Variants in WWOX observed in about 807,000 individuals in gnomAD.
WWOX encodes the protein WW domain-containing oxidoreductase.
Under a neutral mutation model 46.2 loss-of-function variants are expected in WWOX, and 69 were observed. That is an observed-to-expected ratio of 1.49 (90% CI 1.23 to 1.82). The LOEUF is 1.82. WWOX is among the 40% of genes most tolerant of loss of function. WWOX has a pLI of 0.00. For synonymous variants in WWOX, 359 were observed against 202.6 expected (o/e 1.77, Z -6.56); for missense variants, 919 against 542.6 (o/e 1.69, Z -6.89).
Position 78,902,839 on chromosome 16 carries a change from C to G in WWOX, c.1057-308769C>G, listed in dbSNP as rs573097689. On this transcript the variant is annotated intron_variant, in intron 8 of 8. Coordinates refer to ENST00000566780, the MANE Select transcript of WWOX (RefSeq NM_016373.4). ...AGCCTTAGTGGGCCTGGTTTTTGCC[C>G]CCCTCCAGTTTTAGCTTCCCATCTA... Among the ~76,000 whole-genome samples, 6 of 152,226 alleles carry G rather than the reference C, an allele frequency of 3.9e-5. No individual in the cohort carries two copies. The East Asian group carries it at 9.7e-4, about 25-fold the overall frequency.
intron 4 of WWOX, among the ~76,000 whole-genome samples, chr16:78,135,722 A>G (rs369526082): frequency 7.9e-5 from 12 of 152,312 alleles, no homozygotes; most frequent in African/African-American, 2.9e-4. Context: ...CAACAAAAAA[A>G]ACACCTTCCA....
chr16:78,723,326 G>T (rs1273300298), intron 8 of WWOX, among the ~76,000 whole-genome samples: 1 of 152,180 alleles, frequency 6.6e-6, no homozygotes, highest in Non-Finnish European at 1.5e-5. Flanking sequence ...CTTGGGGTCA[G>T]TGTCTGTCAA....
In WWOX at chr16:79,212,500, C is replaced by CGT. The variant is rs548202131; in HGVS notation, c.*705_*706dup. On this transcript the variant is annotated 3_prime_UTR_variant, in exon 9 of 9. Transcript: ENST00000566780. Reference sequence around the variant, plus strand: ...ATACCTTGAAAGGCAGGAAGGGAAGCGTATATACTTAAGAATACACAGGAT... The same window carrying CGT: ...ATACCTTGAAAGGCAGGAAGGGAAGCGTGTATATACTTAAGAATACACAGGAT... 680 of 204,156 alleles carry CGT rather than the reference C, an allele frequency of 3.3e-3. 6 individuals carry two copies. Among genetic ancestry groups the CGT allele is most frequent in the Admixed American group, 0.026 (509 of 19,226 alleles). The allele number at this position is 204,156 out of a possible 1,614,324, so 12.6% of individuals were successfully genotyped here.
At chr16:78,425,432 G>A (rs1029746246) in intron 7 of WWOX, among the ~76,000 whole-genome samples, 2 of 152,142 alleles carry the variant, frequency 1.3e-5, no homozygotes, top group African/African-American at 2.4e-5. Flanking sequence ...TGCAATTAGA[G>A]CCTGCGAGAT....
At chr16:78,440,296 A>C (rs987707728) in intron 8 of WWOX, among the ~76,000 whole-genome samples, 19 of 152,274 alleles carry the variant, frequency 1.2e-4, no homozygotes, top group Non-Finnish European at 1.6e-4. Context: ...ACCATACCTC[A>C]AGCCACTTCT....
chr16:78,361,582 A>G (rs956636593), intron 5 of WWOX, among the ~76,000 whole-genome samples: 5 of 152,108 alleles, frequency 3.3e-5, no homozygotes, highest in Non-Finnish European at 5.9e-5. Flanking sequence ...TTCTGAAGAA[A>G]GAGCTATCCC....
chr16:78,969,480 A>G (rs937897602), intron 8 of WWOX, among the ~76,000 whole-genome samples: 3 of 152,062 alleles, frequency 2.0e-5, no homozygotes, highest in Non-Finnish European at 4.4e-5. Context: ...CGTGTTGGCC[A>G]GGCTGGTCTC....
At chr16:78,763,544 C>G (rs2049846703) in intron 8 of WWOX, among the ~76,000 whole-genome samples, 2 of 152,142 alleles carry the variant, frequency 1.3e-5, no homozygotes, top group Admixed American at 1.3e-4. Flanking sequence ...AACTCTGTTC[C>G]AAATCTCTCA....
At chr16:78,711,447 A>G (rs1410082048) in intron 8 of WWOX, among the ~76,000 whole-genome samples, 1 of 152,166 alleles carries the variant, frequency 6.6e-6, no homozygotes, top group African/African-American at 2.4e-5. Context: ...ATCTTGTTGA[A>G]TATTTAACAT....
intron 4 of WWOX, among the ~76,000 whole-genome samples, chr16:78,129,725 G>T: frequency 6.6e-6 from 1 of 150,450 alleles, no homozygotes; most frequent in Non-Finnish European, 1.5e-5. Context: ...TTTTTTGTCA[G>T]ACTACTTGCC....
intron 8 of WWOX, among the ~76,000 whole-genome samples, chr16:79,147,899 T>G (rs1033434969): frequency 7.3e-5 from 11 of 151,578 alleles, no homozygotes; most frequent in Non-Finnish European, 3.0e-5. Flanking sequence ...TCTATTAATG[T>G]TTTTTTCTCA....
intron 8 of WWOX, among the ~76,000 whole-genome samples, chr16:78,852,447 A>G (rs1477432651): frequency 6.6e-6 from 1 of 152,196 alleles, no homozygotes; most frequent in Non-Finnish European, 1.5e-5. Flanking sequence ...CCGCATAGCA[A>G]GGAATCAGGC....
At chr16:78,378,878 C>A (rs1047882254) in intron 5 of WWOX, among the ~76,000 whole-genome samples, 1 of 152,142 alleles carries the variant, frequency 6.6e-6, no homozygotes, top group Admixed American at 6.5e-5. Context: ...AAAACAGACA[C>A]AAATAAGAAT....
intron 8 of WWOX, among the ~76,000 whole-genome samples, chr16:78,639,820 C>A (rs778165040): frequency 2.0e-5 from 3 of 152,168 alleles, no homozygotes; most frequent in African/African-American, 7.2e-5. Context: ...CCTGCCCCAG[C>A]CTCCCACAGT....
intron 8 of WWOX, among the ~76,000 whole-genome samples, chr16:79,174,067 G>T (rs1486987450): frequency 2.6e-5 from 4 of 152,176 alleles, no homozygotes; most frequent in Admixed American, 2.6e-4. Context: ...CATACAGTCA[G>T]AATGTTTATT....
chr16:79,112,079 A>T (rs2049427670), intron 8 of WWOX, among the ~76,000 whole-genome samples: 1 of 152,200 alleles, frequency 6.6e-6, no homozygotes, highest in South Asian at 2.1e-4. Context: ...GGCTGGACAC[A>T]GAACAGGCTC....
chr16:78,360,046 C>G (rs1230797414), intron 5 of WWOX, among the ~76,000 whole-genome samples: 1 of 152,000 alleles, frequency 6.6e-6, no homozygotes, highest in African/African-American at 2.4e-5. Flanking sequence ...AAAAACAAAA[C>G]AAAAAGGAGG....
chr16:79,093,999 C>T (rs1052552248), intron 8 of WWOX, among the ~76,000 whole-genome samples: 2 of 152,108 alleles, frequency 1.3e-5, no homozygotes, highest in African/African-American at 2.4e-5. Flanking sequence ...AGGGAATGAA[C>T]GAATACATGT....
chr16:78,307,456 C>T (rs907289418), intron 5 of WWOX, among the ~76,000 whole-genome samples: 3 of 151,894 alleles, frequency 2.0e-5, no homozygotes, highest in African/African-American at 4.8e-5. Flanking sequence ...ACTGTGACTA[C>T]GAAAGAGGAG....
Sources: gnomAD v4.1 joint callset for allele counts (sites outside exome capture counted in the v4.1 genomes callset) on GRCh38, gnomAD v4.1.1 for gene constraint, MANE v1.5 for transcripts, NCBI Gene and HGNC (gene_info 2026-07-23, HGNC 2026-07-21) for gene names.